Variants in SPINK5 observed in about 807,000 individuals in gnomAD.
SPINK5 encodes serine protease inhibitor Kazal-type 5.
Under a neutral mutation model 151.8 loss-of-function variants are expected in SPINK5, and 125 were observed. That is an observed-to-expected ratio of 0.82 (90% CI 0.71 to 0.96). The LOEUF is 0.96. Ranked by LOEUF, SPINK5 falls within the 40% of genes least tolerant of loss-of-function variation. The pLI, the probability that SPINK5 is intolerant of heterozygous loss-of-function variation, is 0.00. For missense variants in SPINK5, 1,194 were observed against 1,291.9 expected (o/e 0.92, Z 1.16); for synonymous variants, 374 against 395.3 (o/e 0.95, Z 0.64).
intron 6 of SPINK5, 138 bp downstream of exon 6, chr5:148,088,743 C>T: frequency 1.2e-6 from 1 of 816,868 alleles, no homozygotes; most frequent in Non-Finnish European, 2.0e-6. Context: ...ATACCCAGTA[C>T]TGCCCACTAA....
At chr5:148,125,888 G>C in intron 29 of SPINK5, 38 bp downstream of exon 29, 3 of 1,613,932 alleles carry the variant, frequency 1.9e-6, no homozygotes, top group Non-Finnish European at 2.5e-6. Flanking sequence ...TAGCTAGCAG[G>C]GGAACTGCAT....
chr5:148,123,521 G>GTGTGTATATATATA (rs1328976077), intron 26 of SPINK5, among the ~76,000 whole-genome samples: 2 of 25,014 alleles, frequency 8.0e-5, no homozygotes, highest in African/African-American at 1.6e-4. Flanking sequence ...CAATATATGT[G>GTGTGTATATATATA]TATATATATA....
At chr5:148,136,482 AT>A (rs1052332852) in intron 32 of SPINK5, among the ~76,000 whole-genome samples, 49 of 152,274 alleles carry the variant, frequency 3.2e-4, no homozygotes, top group African/African-American at 1.1e-3. Flanking sequence ...CTTTAAGATT[AT>A]TTTTAAATAT....
intron 10 of SPINK5, 79 bp downstream of exon 10, chr5:148,095,984 T>C (rs1428681002): frequency 2.8e-6 from 3 of 1,063,942 alleles, no homozygotes; most frequent in African/African-American, 3.1e-5. Flanking sequence ...GCATATTACA[T>C]AGTATGCACT....
At chr5:148,099,543 G>A (rs1292992717) in intron 12 of SPINK5, among the ~76,000 whole-genome samples, 1 of 151,520 alleles carries the variant, frequency 6.6e-6, no homozygotes, top group Admixed American at 6.6e-5. Context: ...GAAAAACTGA[G>A]TTCTACTTCT....
chr5:148,091,862 T>C (rs956003944), intron 8 of SPINK5, among the ~76,000 whole-genome samples: 2 of 151,836 alleles, frequency 1.3e-5, no homozygotes, highest in African/African-American at 4.8e-5. Context: ...TTATTCAATC[T>C]AGTATAAAAA....
At chr5:148,128,003 C>G (rs369410589) in intron 30 of SPINK5, among the ~76,000 whole-genome samples, 1 of 152,104 alleles carries the variant, frequency 6.6e-6, no homozygotes, top group African/African-American at 2.4e-5. Flanking sequence ...AGCAGATTCT[C>G]AGATTGGGCC....
chr5:148,133,934 A>T, intron 32 of SPINK5, 47 bp downstream of exon 32: 1 of 1,595,284 alleles, frequency 6.3e-7, no homozygotes, highest in Non-Finnish European at 8.6e-7. Context: ...TGTGAGGAGC[A>T]CTGGGTTCTG....
chr5:148,123,521 G>GTGTGTGTGTATATATATATA (rs1328976077), intron 26 of SPINK5, among the ~76,000 whole-genome samples: 20 of 25,014 alleles, frequency 8.0e-4, no homozygotes, highest in African/African-American at 1.5e-3. Flanking sequence ...CAATATATGT[G>GTGTGTGTGTATATATATATA]TATATATATA....
chr5:148,107,292 A>G, intron 17 of SPINK5, 128 bp downstream of exon 17: 2 of 1,278,592 alleles, frequency 1.6e-6, no homozygotes, highest in East Asian at 2.5e-5. Flanking sequence ...AAGCAGATGG[A>G]TAAGACATTA....
chr5:148,103,679 C>G (rs1753706210), intron 15 of SPINK5, among the ~76,000 whole-genome samples: 2 of 151,996 alleles, frequency 1.3e-5, no homozygotes, highest in East Asian at 1.9e-4. Context: ...AAAGAAATAA[C>G]CTTTATCACC....
At chr5:148,132,832 C>T (rs1754605447) in intron 31 of SPINK5, among the ~76,000 whole-genome samples, 3 of 152,022 alleles carry the variant, frequency 2.0e-5, no homozygotes, top group South Asian at 2.1e-4. Context: ...TTCATAGGCT[C>T]GTGGAGTACT....
Position 148,133,841 on chromosome 5 carries a change from A to T in SPINK5, c.3140A>T (p.Glu1047Val). Residue 1047 changes from glutamate (E) to valine (V), a missense_variant, in exon 32 of 33, where the codon GAG (glutamate) becomes GTG (valine). Glu to Val is a moderately radical substitution (Grantham distance 121). Coordinates refer to ENST00000256084, the MANE Select transcript of SPINK5 (RefSeq NM_006846.4). ...NTHIRSTGKC[E>V]ESSTPGTTAA... Reference sequence around the variant, plus strand: ...CACATCCGCAGTACAGGGAAGTGTGAGGAGAGCAGCACCCCAGGAACCACC... The same window carrying T: ...CACATCCGCAGTACAGGGAAGTGTGTGGAGAGCAGCACCCCAGGAACCACC... 6.2e-7 allele frequency: 1 copy of T among 1,614,048 alleles called. No homozygotes were observed. The highest frequency in any genetic ancestry group is 8.5e-7 in the Non-Finnish European group (1 of 1,179,970).
At chr5:148,086,319 G>C in intron 4 of SPINK5, 86 bp from the exon 5 acceptor site, 1 of 1,532,684 alleles carries the variant, frequency 6.5e-7, no homozygotes, top group Admixed American at 1.8e-5. Flanking sequence ...TTACATTATT[G>C]TGGGCTTAAA....
intron 21 of SPINK5, among the ~76,000 whole-genome samples, chr5:148,115,978 C>T (rs957506196): frequency 1.3e-5 from 2 of 152,028 alleles, no homozygotes; most frequent in Admixed American, 6.6e-5. Flanking sequence ...TGTACCACCA[C>T]GCCTGGCTAA....
chr5:148,120,175 T>TG (rs1754215798), intron 25 of SPINK5, 39 bp downstream of exon 25: 2 of 1,613,828 alleles, frequency 1.2e-6, no homozygotes, highest in African/African-American at 2.7e-5. Context: ...CTGTGAGTCT[T>TG]AAAGTACAAT....
At chr5:148,135,356 G>GTAAC (rs1754672501) in intron 32 of SPINK5, among the ~76,000 whole-genome samples, 2 of 152,126 alleles carry the variant, frequency 1.3e-5, no homozygotes, top group South Asian at 4.1e-4. Flanking sequence ...ACACTTCCCT[G>GTAAC]TAACTCTCAT....
intron 15 of SPINK5, among the ~76,000 whole-genome samples, chr5:148,104,370 C>T (rs1753725234): frequency 1.3e-5 from 2 of 152,148 alleles, no homozygotes; most frequent in South Asian, 4.1e-4. Context: ...GCAAAAGAAT[C>T]AGCAAATAAG....
At chr5:148,085,762 TA>T (rs1442676760) in intron 4 of SPINK5, among the ~76,000 whole-genome samples, 2 of 151,898 alleles carry the variant, frequency 1.3e-5, no homozygotes, top group African/African-American at 2.4e-5. Flanking sequence ...GGCTTGTCAG[TA>T]GAGAAAACAT....
Sources: allele counts gnomAD v4.1 joint callset (sites outside exome capture counted in the v4.1 genomes callset), GRCh38; gene constraint gnomAD v4.1.1; transcripts MANE v1.5; gene names NCBI Gene and HGNC (gene_info 2026-07-23, HGNC 2026-07-21).